Variants in TNFSF4 observed in about 807,000 individuals in gnomAD.
The protein encoded by TNFSF4 is tumor necrosis factor ligand superfamily member 4.
A neutral mutation model predicts 7.3 loss-of-function variants in TNFSF4; 4 were observed. The ratio of observed to expected loss-of-function variants is 0.55; its 90% confidence interval spans 0.27 to 1.25. The LOEUF is 1.25. Ranked by LOEUF, TNFSF4 falls within the 50% of genes most tolerant of loss-of-function variation. TNFSF4 has a pLI of 0.12. For missense variants in TNFSF4, 181 were observed against 208.8 expected (o/e 0.87, Z 0.82); for synonymous variants, 76 against 83.7 (o/e 0.91, Z 0.50).
chr1:173,230,481 A>G, the TNFSF4 span, among the ~76,000 whole-genome samples: 1 of 152,260 alleles, frequency 6.6e-6, no homozygotes, highest in Non-Finnish European at 1.5e-5. Context: ...AAAGCAGGAA[A>G]GATCTAAAAT....
chr1:173,253,846 T>TA, the TNFSF4 span, among the ~76,000 whole-genome samples: 1 of 152,200 alleles, frequency 6.6e-6, no homozygotes, highest in African/African-American at 2.4e-5. Flanking sequence ...TAGTCATGTC[T>TA]AAATATTAGT....
chr1:173,409,817 A>G, the TNFSF4 span, among the ~76,000 whole-genome samples: 1 of 152,204 alleles, frequency 6.6e-6, no homozygotes, highest in Non-Finnish European at 1.5e-5. Context: ...GCTGGCAGTA[A>G]GCCCTGAGGA....
At chr1:173,401,039 T>C in the TNFSF4 span, among the ~76,000 whole-genome samples, 1 of 152,192 alleles carries the variant, frequency 6.6e-6, no homozygotes, top group African/African-American at 2.4e-5. Context: ...TATATACATA[T>C]ATATTTGCTT....
At chr1:173,273,483 C>T in the TNFSF4 span, among the ~76,000 whole-genome samples, 1 of 151,912 alleles carries the variant, frequency 6.6e-6, no homozygotes, top group Non-Finnish European at 1.5e-5. Flanking sequence ...TTTCAAAGAC[C>T]CTTTTTATAA....
chr1:173,448,440 C>T, the TNFSF4 span, among the ~76,000 whole-genome samples: 1 of 152,222 alleles, frequency 6.6e-6, no homozygotes, highest in African/African-American at 2.4e-5. Context: ...TGTGAAGAGA[C>T]CACCAAATAG....
the TNFSF4 span, among the ~76,000 whole-genome samples, chr1:173,264,391 C>A: frequency 6.7e-6 from 1 of 148,406 alleles, no homozygotes; most frequent in African/African-American, 2.5e-5. Context: ...AACTCCTGGG[C>A]CCAAGTGATT....
chr1:173,197,872 T>C (rs1428141444), intron 1 of TNFSF4, among the ~76,000 whole-genome samples: 1 of 152,116 alleles, frequency 6.6e-6, no homozygotes, highest in Non-Finnish European at 1.5e-5. Context: ...AGAAAGTCAA[T>C]TGACCATAAA....
the TNFSF4 span, among the ~76,000 whole-genome samples, chr1:173,343,381 G>A: frequency 7.2e-5 from 11 of 152,020 alleles, no homozygotes; most frequent in Non-Finnish European, 1.2e-4. Flanking sequence ...AGATATCTGC[G>A]AAACCATTAT....
At chr1:173,422,345 A>AAAGGG in the TNFSF4 span, among the ~76,000 whole-genome samples, 1 of 150,374 alleles carries the variant, frequency 6.7e-6, no homozygotes. Flanking sequence ...AAAAAAAAAA[A>AAAGGG]GGACTGGGAG....
chr1:173,214,419 T>C, the TNFSF4 span, among the ~76,000 whole-genome samples: 1 of 152,214 alleles, frequency 6.6e-6, no homozygotes, highest in African/African-American at 2.4e-5. Context: ...CAGATATTAA[T>C]ACACCAAATG....
the TNFSF4 span, among the ~76,000 whole-genome samples, chr1:173,392,149 T>G: frequency 6.6e-6 from 1 of 152,206 alleles, no homozygotes. Flanking sequence ...TCGAAAGGCC[T>G]GCACTCTACT....
the TNFSF4 span, among the ~76,000 whole-genome samples, chr1:173,415,461 G>A: frequency 9.2e-5 from 14 of 152,314 alleles, no homozygotes; most frequent in Middle Eastern, 3.4e-3. Context: ...GAAAACAGAG[G>A]GTTCCTAGCA....
At chr1:173,376,924 A>G in the TNFSF4 span, among the ~76,000 whole-genome samples, 1 of 152,212 alleles carries the variant, frequency 6.6e-6, no homozygotes, top group Non-Finnish European at 1.5e-5. Context: ...AGAGGGAGGA[A>G]CAAACAACTC....
At chr1:173,387,107 A>C in the TNFSF4 span, among the ~76,000 whole-genome samples, 3 of 152,190 alleles carry the variant, frequency 2.0e-5, no homozygotes, top group African/African-American at 7.2e-5. Flanking sequence ...TGCTGGAATG[A>C]GTTAAGATGT....
chr1:173,324,133 AG>A, the TNFSF4 span, among the ~76,000 whole-genome samples: 1 of 152,320 alleles, frequency 6.6e-6, no homozygotes, highest in South Asian at 2.1e-4. Flanking sequence ...TTACTCACAA[AG>A]GGGAGCCCAT....
the TNFSF4 span, among the ~76,000 whole-genome samples, chr1:173,371,503 T>C: frequency 6.6e-6 from 1 of 152,154 alleles, no homozygotes; most frequent in Non-Finnish European, 1.5e-5. Flanking sequence ...CAAATCAGGC[T>C]AAAAGACCCC....
the TNFSF4 span, among the ~76,000 whole-genome samples, chr1:173,356,816 C>A: frequency 3.3e-5 from 5 of 152,282 alleles, no homozygotes; most frequent in African/African-American, 9.6e-5. Context: ...TAGGAAGAGG[C>A]AAGCTCTATG....
At chr1:173,204,102 C>T (rs769944361) in intron 1 of TNFSF4, among the ~76,000 whole-genome samples, 2 of 152,180 alleles carry the variant, frequency 1.3e-5, no homozygotes, top group Non-Finnish European at 2.9e-5. Context: ...TAGAAAAGTA[C>T]ATATGTGCAA....
downstream of TNFSF4, among the ~76,000 whole-genome samples, chr1:173,182,973 TCA>T (rs903892466): frequency 5.3e-4 from 81 of 152,322 alleles, no homozygotes; most frequent in Admixed American, 2.7e-3. Context: ...GGGCCCAGCA[TCA>T]CCAGATCTCC....
Sources: gnomAD v4.1 joint callset for allele counts (sites outside exome capture counted in the v4.1 genomes callset) on GRCh38, gnomAD v4.1.1 for gene constraint, MANE v1.5 for transcripts, NCBI Gene and HGNC (gene_info 2026-07-23, HGNC 2026-07-21) for gene names.